CNOT1: variants seen among roughly 807,000 people sequenced by gnomAD.
The protein encoded by CNOT1 is CCR4-associated factor 1.
In CNOT1, 15 loss-of-function variants were observed where a neutral mutation model predicts 273.8. That is an observed-to-expected ratio of 0.05 (90% CI 0.04 to 0.08). The LOEUF (loss-of-function observed/expected upper bound fraction) is 0.08. Ranked by LOEUF, CNOT1 falls within the 10% of genes least tolerant of loss-of-function variation. The probability of loss-of-function intolerance (pLI) is 1.00; values close to 1 mark genes in which losing one functional copy is unlikely to be tolerated. For synonymous variants in CNOT1, 1,022 were observed against 1,005.5 expected (o/e 1.02, Z -0.31); for missense variants, 1,644 against 2,912.2 (o/e 0.56, Z 10.02).
At chr16:58,607,740 AAAGAAAG>A in intron 1 of CNOT1, among the ~76,000 whole-genome samples, 1 of 93,176 alleles carries the variant, frequency 1.1e-5, no homozygotes. Context: ...AAAAAAAAAG[AAAGAAAG>A]AAAGAAAAGG....
intron 46 of CNOT1, among the ~76,000 whole-genome samples, chr16:58,524,477 C>T (rs990164526): frequency 4.6e-5 from 7 of 151,908 alleles, no homozygotes; most frequent in South Asian, 4.2e-4. Context: ...AGCTCTTGGA[C>T]GTGATGGTAT....
chr16:58,547,978 GA>G lies in CNOT1; in HGVS notation c.3523-297del, dbSNP rs1315841798. On this transcript the variant is annotated intron_variant, in intron 25 of 48. Transcript: ENST00000317147. The surrounding 1 kb of genome is among the most constrained non-coding windows in gnomAD (Gnocchi z 4.0). ...GTTATGTGCCAGCTATCCTCCCCTA[GA>G]AAAGTATTTTCAACTCTGAAAACCT... Among the ~76,000 whole-genome samples the G allele has an allele frequency of 6.6e-6, 1 of 152,114 alleles. No homozygotes were observed. The highest frequency in any genetic ancestry group is 1.9e-4 in the East Asian group (1 of 5,200).
intron 1 of CNOT1, among the ~76,000 whole-genome samples, chr16:58,616,305 C>T (rs1438290909): frequency 8.0e-6 from 1 of 124,684 alleles, no homozygotes; most frequent in African/African-American, 2.7e-5. Flanking sequence ...AGGGTTTCAC[C>T]ATCTTGGCCA....
At position 58,588,938 on chromosome 16, in the gene CNOT1, G is replaced by C. The variant is rs34014750; in HGVS notation, c.103-32C>G. The C allele has an allele frequency of 0.064, 98,430 of 1,533,966 alleles. 3,563 individuals carry two copies. The highest frequency in any genetic ancestry group is 0.11 in the Middle Eastern group (611 of 5,782). On this transcript the variant is annotated intron_variant, in intron 2 of 48. Coordinates refer to ENST00000317147, the MANE Select transcript of CNOT1 (RefSeq NM_016284.5). ...TGACCAAAAATAACATGTTTAATAA[G>C]GGAAGATAAAACAAAAAAAAAAAGT... is the stretch of plus-strand genomic sequence containing the variant.
Position 58,574,667 on chromosome 16 carries a change from C to T in CNOT1, c.1921G>A (p.Ala641Thr). ...GCCAAAGTTTCTGGAGGAAGTTGAGCACTTTTGGGCTGGTCTTTTTCTGGG... is the reference window on the plus strand; with the variant it reads ...GCCAAAGTTTCTGGAGGAAGTTGAGTACTTTTGGGCTGGTCTTTTTCTGGG... ...LAPEKDQPKSAQLPPETLATM... is the reference protein window; with the variant it reads ...LAPEKDQPKSTQLPPETLATM... Residue 641 changes from alanine to threonine, a missense_variant, in exon 16 of 49, where the codon GCT becomes ACT. This residue lies in a region of CNOT1 where 706 missense variants were observed against 1,021.2 expected (regional missense o/e 0.69). Coordinates refer to ENST00000317147, the MANE Select transcript of CNOT1 (RefSeq NM_016284.5). 1 of 1,606,916 alleles carries T rather than the reference C, an allele frequency of 6.2e-7. No individual in the cohort carries two copies. The highest frequency in any genetic ancestry group is 8.5e-7 in the Non-Finnish European group (1 of 1,178,710).
At chr16:58,557,043 A>T (rs1487041409) in intron 18 of CNOT1, 50 bp from the exon 19 acceptor site, 5 of 1,594,104 alleles carry the variant, frequency 3.1e-6, no homozygotes, top group Non-Finnish European at 4.3e-6. Context: ...CATATTCTTG[A>T]TTTTATTCAC....
Position 58,525,980 on chromosome 16 carries a change from C to A in CNOT1, c.6603+9G>T. The A allele has an allele frequency of 1.2e-6, 2 of 1,612,804 alleles. No individual in the cohort carries two copies. Among genetic ancestry groups the A allele is most frequent in the South Asian group, 2.2e-5 (2 of 90,978 alleles). Reference sequence around the variant, plus strand: ...AGACGTAGATGAGTTTTAAGCCAAACCAATTAACCTGTAGGTTGCTGCGCA... The same window carrying A: ...AGACGTAGATGAGTTTTAAGCCAAAACAATTAACCTGTAGGTTGCTGCGCA... On this transcript the variant is annotated intron_variant, in intron 45 of 48. Coordinates refer to ENST00000317147, the MANE Select transcript of CNOT1 (RefSeq NM_016284.5).
chr16:58,601,734 T>TAAAAAAAAAAAAAAAAAAAAAAAAAA (rs66711143), intron 1 of CNOT1, among the ~76,000 whole-genome samples: 3 of 91,512 alleles, frequency 3.3e-5, no homozygotes, highest in Non-Finnish European at 6.7e-5. Flanking sequence ...ATACCCACCT[T>TAAAAAAAAAAAAAAAAAAAAAAAAAA]AAAAAAAAAA....
Position 58,525,189 on chromosome 16 carries a change from C to T in CNOT1, c.6774G>A (p.Leu2258=). 1 of 1,613,350 alleles carries T rather than the reference C, an allele frequency of 6.2e-7. No homozygotes were observed. Among genetic ancestry groups the T allele is most frequent in the Non-Finnish European group, 8.5e-7 (1 of 1,180,014 alleles). ...GCAGGCTTCACTCACCCTCAGTGTCCAAGTCCACAGCCAAATTCTGGAAGA... is the reference window on the plus strand; with the variant it reads ...GCAGGCTTCACTCACCCTCAGTGTCTAAGTCCACAGCCAAATTCTGGAAGA... ...MDIFQNLAVD[L]DTEGRYLFLN... The change falls in exon 46 of 49, where the codon TTG becomes TTA. Residue 2258 remains leucine, a synonymous_variant. Coordinates refer to ENST00000317147, the MANE Select transcript of CNOT1 (RefSeq NM_016284.5).
chr16:58,592,180 T>C (rs993566099), intron 2 of CNOT1, among the ~76,000 whole-genome samples: 3 of 152,182 alleles, frequency 2.0e-5, no homozygotes, highest in African/African-American at 4.8e-5. Context: ...TTTTAGAGGA[T>C]AAATATAATC....
Position 58,546,334 on chromosome 16 carries a change from G to A in CNOT1, c.3993C>T (p.Pro1331=), listed in dbSNP as rs779218328. The A allele has an allele frequency of 1.9e-6, 3 of 1,613,404 alleles. No homozygotes were observed. The highest frequency in any genetic ancestry group is 2.5e-6 in the Non-Finnish European group (3 of 1,179,494). Residue 1331 remains proline, a synonymous_variant, in exon 29 of 49, where the codon CCC becomes CCT. Transcript: ENST00000317147. ...KDVKQPEELP[P]ITTTTTSTTP... ...TAGCACACTTACTTGTGGTTGTGAT[G>A]GGAGGGAGTTCTTCTGGCTGCTTGA...
At chr16:58,568,212 T>C (rs1308377368) in intron 16 of CNOT1, among the ~76,000 whole-genome samples, 1 of 149,804 alleles carries the variant, frequency 6.7e-6, no homozygotes, top group Non-Finnish European at 1.5e-5. Flanking sequence ...CTAAAGAAAA[T>C]ACAAAATTAG....
At position 58,618,140 on chromosome 16, in the gene CNOT1, A is replaced by G. The variant is rs553497449; in HGVS notation, c.-175+11588T>C. ...AAGTTATTAGAAAAACAGTTTATGC[A>G]TAACTATTTTGTGGTGGATTGTGTA... is the stretch of plus-strand genomic sequence containing the variant. On this transcript the variant is annotated intron_variant, in intron 1 of 48. Transcript: ENST00000317147. 2.2e-4 allele frequency among the ~76,000 whole-genome samples: 33 copies of G among 152,312 alleles called. No individual in the cohort carries two copies. In the South Asian group the frequency reaches 6.2e-3, roughly 29 times the overall value.
chr16:58,580,124 C>A (rs1177738969), intron 12 of CNOT1, among the ~76,000 whole-genome samples: 1 of 152,036 alleles, frequency 6.6e-6, no homozygotes, highest in South Asian at 2.1e-4. Flanking sequence ...GCAGGAGAAT[C>A]GCTTAAACCG....
chr16:58,546,122 T>C (rs913450891), intron 29 of CNOT1, among the ~76,000 whole-genome samples, 199 bp downstream of exon 29: 1 of 152,190 alleles, frequency 6.6e-6, no homozygotes, highest in African/African-American at 2.4e-5. Flanking sequence ...ATGCATGAAC[T>C]GTCAGGATGG....
Position 58,586,608 on chromosome 16 carries a change from G to C in CNOT1, c.574C>G (p.Gln192Glu). The C allele has an allele frequency of 1.9e-6, 3 of 1,612,706 alleles. No individual in the cohort carries two copies. Among genetic ancestry groups the C allele is most frequent in the Non-Finnish European group, 2.5e-6 (3 of 1,179,732 alleles). ...HLLLSHLLFG[Q>E]KGAFGVGQEQ... ...TGTCCAACTCCAAAGGCTCCCTTCT[G>C]CCCAAAGAGGAGATGGGAGAGGAGG... The change falls in exon 7 of 49, where the codon CAG becomes GAG. Residue 192 changes from glutamine (Q) to glutamate (E), a missense_variant. Around this residue, in one of 13 missense-constraint regions of CNOT1, gnomAD observed 706 missense variants for 1,021.2 expected, o/e 0.69. Coordinates refer to ENST00000317147, the MANE Select transcript of CNOT1 (RefSeq NM_016284.5).
At chr16:58,584,401 G>C (rs376186087) in intron 8 of CNOT1, among the ~76,000 whole-genome samples, 32 of 151,708 alleles carry the variant, frequency 2.1e-4, no homozygotes, top group African/African-American at 7.5e-4. Context: ...CACGATCTTG[G>C]CTCACTGCAA....
chr16:58,563,617 T>C (rs2040937286), intron 16 of CNOT1, among the ~76,000 whole-genome samples: 2 of 152,232 alleles, frequency 1.3e-5, no homozygotes, highest in Admixed American at 1.3e-4. Flanking sequence ...AGAGGTCCTC[T>C]GAAGCTTCAT....
intron 1 of CNOT1, among the ~76,000 whole-genome samples, chr16:58,625,521 A>G (rs1288086169): frequency 6.6e-6 from 1 of 151,498 alleles, no homozygotes; most frequent in Non-Finnish European, 1.5e-5. Context: ...TTAAAAAAAC[A>G]TATATATATA....
Sources: gnomAD v4.1 joint callset for allele counts (sites outside exome capture counted in the v4.1 genomes callset) on GRCh38, gnomAD v4.1.1 for gene constraint, gnomAD v4.1.1 regional missense constraint, Gnocchi (gnomAD v3.1) non-coding constraint, MANE v1.5 for transcripts, NCBI Gene and HGNC (gene_info 2026-07-23, HGNC 2026-07-21) for gene names.